Variants in KLF12 observed in about 807,000 individuals in gnomAD.
KLF12 encodes the protein KLF transcription factor 12.
Under a neutral mutation model 37.8 loss-of-function variants are expected in KLF12, and 9 were observed. That is an observed-to-expected ratio of 0.24 (90% CI 0.14 to 0.42). KLF12 has a LOEUF of 0.42. Among genes scored for constraint, KLF12 ranks in the 10% least tolerant of loss-of-function variants. The pLI is 1.00. For missense variants in KLF12, 411 were observed against 516.0 expected (o/e 0.80, Z 1.97); for synonymous variants, 208 against 202.1 (o/e 1.03, Z -0.25).
At chr13:73,702,796 C>A (rs749867048) in intron 7 of KLF12, among the ~76,000 whole-genome samples, 1 of 152,132 alleles carries the variant, frequency 6.6e-6, no homozygotes, top group African/African-American at 2.4e-5. Context: ...AAACAAGAAT[C>A]AAGATTCCTA....
At chr13:73,960,777 T>C (rs1384009735) in intron 2 of KLF12, among the ~76,000 whole-genome samples, 1 of 152,206 alleles carries the variant, frequency 6.6e-6, no homozygotes, top group South Asian at 2.1e-4. Context: ...AATATTTTCA[T>C]TATGCAGAGA....
At chr13:74,086,416 A>G (rs967278556) in intron 1 of KLF12, among the ~76,000 whole-genome samples, 1 of 151,680 alleles carries the variant, frequency 6.6e-6, no homozygotes, top group Non-Finnish European at 1.5e-5. Flanking sequence ...ATGATTTCCA[A>G]TTTCATCCAT....
At chr13:74,186,624 TGA>T in the KLF12 span, among the ~76,000 whole-genome samples, 5 of 152,336 alleles carry the variant, frequency 3.3e-5, no homozygotes, top group East Asian at 5.8e-4. Flanking sequence ...AGGTGGTGTG[TGA>T]GACTTTAGCT....
At chr13:74,178,359 C>T in the KLF12 span, among the ~76,000 whole-genome samples, 55 of 151,944 alleles carry the variant, frequency 3.6e-4, no homozygotes, top group African/African-American at 1.2e-3. Context: ...GTTTTTTACA[C>T]TCATTGCCTT....
intron 1 of KLF12, among the ~76,000 whole-genome samples, chr13:74,113,375 A>G (rs1169121608): frequency 6.6e-6 from 1 of 152,248 alleles, no homozygotes; most frequent in East Asian, 1.9e-4. Flanking sequence ...GGAGAAGTCA[A>G]TGACTGGCTT....
chr13:74,255,467 A>G, the KLF12 span, among the ~76,000 whole-genome samples: 1 of 152,236 alleles, frequency 6.6e-6, no homozygotes, highest in South Asian at 2.1e-4. Flanking sequence ...TTTATGTGGT[A>G]TCATTTAACA....
the KLF12 span, among the ~76,000 whole-genome samples, chr13:74,239,530 T>A: frequency 8.4e-6 from 1 of 118,616 alleles, no homozygotes; most frequent in Non-Finnish European, 1.7e-5. Flanking sequence ...TGTCTAATGT[T>A]GACAGTGGGG....
intron 3 of KLF12, among the ~76,000 whole-genome samples, chr13:73,924,682 T>C (rs1889293403): frequency 6.6e-6 from 1 of 152,110 alleles, no homozygotes; most frequent in Non-Finnish European, 1.5e-5. Context: ...GTCTCTCACT[T>C]TAAATAGAAA....
intron 6 of KLF12, among the ~76,000 whole-genome samples, chr13:73,758,339 G>A (rs1237364634): frequency 6.6e-6 from 1 of 152,146 alleles, no homozygotes; most frequent in Non-Finnish European, 1.5e-5. Flanking sequence ...TTCAGACTGT[G>A]TGAATTTTAA....
At position 73,710,380 on chromosome 13, in the gene KLF12, G is replaced by GTC. The variant is rs976307760; in HGVS notation, c.1027+4987_1027+4988insGA. On this transcript the variant is annotated intron_variant, in intron 7 of 7. Transcript: ENST00000377669. ...TTATTGCATTTCGAAGATATTGTCT[G>GTC]TGTGTGTGTGTGTGTGTGTGTGTGT... Among the ~76,000 whole-genome samples, 24 of 21,174 alleles carry GTC rather than the reference G, an allele frequency of 1.1e-3. No homozygotes were observed. The Admixed American group carries it at 0.014, about 12-fold the overall frequency. The allele number at this position is 21,174 out of a possible 152,430, so 13.9% of individuals were successfully genotyped here.
intron 3 of KLF12, among the ~76,000 whole-genome samples, chr13:73,940,642 C>T (rs1187975846): frequency 2.6e-5 from 4 of 152,276 alleles, no homozygotes; most frequent in African/African-American, 9.6e-5. Context: ...AATTATAATG[C>T]CCAGACAAGC....
At chr13:73,872,072 T>C (rs538285923) in intron 3 of KLF12, among the ~76,000 whole-genome samples, 12 of 152,298 alleles carry the variant, frequency 7.9e-5, no homozygotes, top group Non-Finnish European at 1.5e-4. Context: ...TGTAAGCTAT[T>C]TCCTGGAGGA....
chr13:74,267,365 A>G, the KLF12 span, among the ~76,000 whole-genome samples: 4 of 152,260 alleles, frequency 2.6e-5, no homozygotes, highest in Non-Finnish European at 5.9e-5. Context: ...TCAACTGATG[A>G]ATAGTGGTAT....
intron 1 of KLF12, among the ~76,000 whole-genome samples, chr13:74,131,946 A>G (rs1393207898): frequency 6.6e-6 from 1 of 152,194 alleles, no homozygotes; most frequent in East Asian, 1.9e-4. Flanking sequence ...CAATAAAGAT[A>G]TAACTTACCC....
At chr13:74,100,710 T>C (rs772854412) in intron 1 of KLF12, among the ~76,000 whole-genome samples, 3 of 152,142 alleles carry the variant, frequency 2.0e-5, no homozygotes, top group Non-Finnish European at 4.4e-5. Context: ...GTGTATGTAT[T>C]TATGGAGTGT....
At chr13:73,803,041 T>G (rs1348090148) in intron 5 of KLF12, among the ~76,000 whole-genome samples, 2 of 152,106 alleles carry the variant, frequency 1.3e-5, no homozygotes, top group Non-Finnish European at 2.9e-5. Flanking sequence ...CAGACAAAGG[T>G]TTTGAAAGAA....
chr13:73,695,712 A>G lies in KLF12; in HGVS notation c.1028-41T>C, dbSNP rs372208256. ...GAACACAAGCTTTGGTGCTCCATCCATCACTTTGCCATAACCAGGCCAGTA... is the reference window on the plus strand; with the variant it reads ...GAACACAAGCTTTGGTGCTCCATCCGTCACTTTGCCATAACCAGGCCAGTA... On this transcript the variant is annotated intron_variant, in intron 7 of 7. Coordinates refer to ENST00000377669, the MANE Select transcript of KLF12 (RefSeq NM_007249.5). 4.4e-6 allele frequency: 7 copies of G among 1,586,776 alleles called. No homozygotes were observed. In the African/African-American group the frequency reaches 9.4e-5, roughly 21 times the overall value.
chr13:73,997,286 C>G (rs1341045124), intron 1 of KLF12, among the ~76,000 whole-genome samples: 2 of 152,086 alleles, frequency 1.3e-5, no homozygotes, highest in African/African-American at 4.8e-5. Context: ...GCAACTCGTT[C>G]AACCTCTTTG....
chr13:73,855,017 C>CT (rs1885533561), intron 3 of KLF12, among the ~76,000 whole-genome samples: 1 of 152,228 alleles, frequency 6.6e-6, no homozygotes, highest in Non-Finnish European at 1.5e-5. Context: ...ACAGAGGCAG[C>CT]TGCAATGGGT....
Sources: allele counts gnomAD v4.1 joint callset (sites outside exome capture counted in the v4.1 genomes callset), GRCh38; gene constraint gnomAD v4.1.1; transcripts MANE v1.5; gene names NCBI Gene and HGNC (gene_info 2026-07-23, HGNC 2026-07-21).